Variants in SDK1 observed in about 807,000 individuals in gnomAD.
The protein encoded by SDK1 is protein sidekick-1.
SDK1 carries 157 observed loss-of-function variants against 245.5 expected under a neutral mutation model. That is an observed-to-expected ratio of 0.64 (90% confidence interval 0.56 to 0.73). The LOEUF (loss-of-function observed/expected upper bound fraction) is 0.73, where lower values mean the gene tolerates loss of function less well. Ranked by LOEUF, SDK1 falls within the 30% of genes least tolerant of loss-of-function variation. SDK1 has a pLI of 0.00. For synonymous variants in SDK1, 1,647 were observed against 1,278.5 expected, an observed-to-expected ratio of 1.29 and a Z score of -6.15; for missense variants, 3,583 against 3,002.3, an observed-to-expected ratio of 1.19 and a Z score of -4.52.
chr7:4,208,031 A>G, intron 36 of SDK1, 68 bp from the exon 37 acceptor site: 1 of 1,228,404 alleles, frequency 8.1e-7, no homozygotes. Flanking sequence ...TTGACCTTAC[A>G]CTCAGTGGCC....
At chr7:3,419,931 A>G (rs1031750593) in intron 1 of SDK1, among the ~76,000 whole-genome samples, 1 of 152,192 alleles carries the variant, frequency 6.6e-6, no homozygotes, top group African/African-American at 2.4e-5. Context: ...AAAATACGCA[A>G]AGCCGTTAGA....
intron 9 of SDK1, 141 bp from the exon 10 acceptor site, chr7:3,967,177 C>T: frequency 3.0e-6 from 2 of 663,836 alleles, no homozygotes; most frequent in Non-Finnish European, 5.4e-6. Context: ...GGGCTGCCGT[C>T]CCTCCTGAAC....
chr7:4,149,644 C>T lies in SDK1; in HGVS notation c.4625+181C>T, dbSNP rs573751741. ...CCAGAACTCCTGGGTCCTGGAGCTA[C>T]TTCCAAGGGCCCACCCCCAGCCGCT... On this transcript the variant is annotated intron_variant, in intron 30 of 44. Coordinates refer to ENST00000404826, the MANE Select transcript of SDK1 (RefSeq NM_152744.4). Among the ~76,000 whole-genome samples, 83 of 152,330 alleles carry T rather than the reference C, an allele frequency of 5.4e-4. 1 individual carries two copies. Among genetic ancestry groups the T allele is most frequent in the African/African-American group, 1.9e-3 (80 of 41,582 alleles).
At chr7:3,848,172 C>A (rs1016696573) in intron 5 of SDK1, among the ~76,000 whole-genome samples, 4 of 152,180 alleles carry the variant, frequency 2.6e-5, no homozygotes, top group South Asian at 4.1e-4. Flanking sequence ...TAATATATTA[C>A]AAACTTCATA....
intron 4 of SDK1, among the ~76,000 whole-genome samples, chr7:3,801,081 TA>T (rs377624886): frequency 1.3e-3 from 197 of 152,354 alleles, no homozygotes; most frequent in African/African-American, 4.4e-3. Context: ...AAAGCACAGT[TA>T]AACTAGCCAG....
At chr7:4,250,564 C>G (rs1043655878) in intron 44 of SDK1, among the ~76,000 whole-genome samples, 1 of 152,096 alleles carries the variant, frequency 6.6e-6, no homozygotes, top group African/African-American at 2.4e-5. Flanking sequence ...AGGCTGGTCT[C>G]GAACTCCTGA....
chr7:3,528,715 A>G (rs758358679), intron 1 of SDK1, among the ~76,000 whole-genome samples: 8 of 152,136 alleles, frequency 5.3e-5, no homozygotes, highest in Non-Finnish European at 8.8e-5. Context: ...CGTAATACAC[A>G]GGACTTGATA....
At chr7:4,264,816 G>A (rs1333233146) in intron 44 of SDK1, among the ~76,000 whole-genome samples, 1 of 152,172 alleles carries the variant, frequency 6.6e-6, no homozygotes, top group East Asian at 1.9e-4. Flanking sequence ...TCCTGAGTGG[G>A]GAGGCTGCAT....
At chr7:3,891,996 GT>G in intron 5 of SDK1, among the ~76,000 whole-genome samples, 1 of 152,160 alleles carries the variant, frequency 6.6e-6, no homozygotes, top group East Asian at 1.9e-4. Context: ...TTGAAAACAA[GT>G]TTAGTTAGGC....
intron 44 of SDK1, among the ~76,000 whole-genome samples, chr7:4,260,053 C>T (rs1787882980): frequency 6.6e-6 from 1 of 152,272 alleles, no homozygotes; most frequent in Admixed American, 6.5e-5. Flanking sequence ...CGTTTATCAT[C>T]GTCACCCGAT....
intron 1 of SDK1, among the ~76,000 whole-genome samples, chr7:3,515,339 C>T (rs1782709886): frequency 6.6e-6 from 1 of 152,148 alleles, no homozygotes; most frequent in South Asian, 2.1e-4. Context: ...AGAAGTAAGG[C>T]TGACCAGCAA....
intron 5 of SDK1, among the ~76,000 whole-genome samples, chr7:3,930,874 T>C (rs538735086): frequency 6.6e-5 from 10 of 152,258 alleles, no homozygotes; most frequent in African/African-American, 2.2e-4. Flanking sequence ...AGAAAAGATA[T>C]TTATAAATGC....
At chr7:3,956,354 G>A (rs1210347909) in intron 7 of SDK1, among the ~76,000 whole-genome samples, 5 of 152,194 alleles carry the variant, frequency 3.3e-5, no homozygotes, top group African/African-American at 1.2e-4. Flanking sequence ...CAGACTGTGT[G>A]TAAAACCGTA....
At chr7:3,731,917 G>C (rs563602543) in intron 4 of SDK1, among the ~76,000 whole-genome samples, 3 of 152,008 alleles carry the variant, frequency 2.0e-5, no homozygotes, top group Non-Finnish European at 4.4e-5. Context: ...TCAGCCTCCT[G>C]AGTAGCTGGG....
intron 22 of SDK1, among the ~76,000 whole-genome samples, chr7:4,093,107 G>C (rs1781911150): frequency 6.6e-6 from 1 of 151,828 alleles, no homozygotes; most frequent in South Asian, 2.1e-4. Context: ...GCTCAGATGT[G>C]GGTTGCCAAA....
At chr7:3,593,679 T>A (rs1032824233) in intron 1 of SDK1, among the ~76,000 whole-genome samples, 1 of 152,134 alleles carries the variant, frequency 6.6e-6, no homozygotes, top group Non-Finnish European at 1.5e-5. Context: ...ATGATTCCCC[T>A]CCAATCTCCC....
At chr7:4,042,786 C>G (rs987840425) in intron 17 of SDK1, among the ~76,000 whole-genome samples, 1 of 152,204 alleles carries the variant, frequency 6.6e-6, no homozygotes, top group African/African-American at 2.4e-5. Context: ...ATAATTAAGA[C>G]CTTTCCAGCC....
chr7:4,137,337 A>G (rs1454009360), intron 28 of SDK1, among the ~76,000 whole-genome samples: 4 of 152,186 alleles, frequency 2.6e-5, no homozygotes, highest in African/African-American at 9.7e-5. Flanking sequence ...AGAAGTCTCC[A>G]AATTGCTCTG....
chr7:4,195,472 T>C (rs903876843), intron 35 of SDK1, among the ~76,000 whole-genome samples: 17 of 152,164 alleles, frequency 1.1e-4, no homozygotes, highest in Non-Finnish European at 5.9e-5. Context: ...CAGCTGCCTC[T>C]GGAGCCACAG....
Sources: gnomAD v4.1 joint callset for allele counts (sites outside exome capture counted in the v4.1 genomes callset) on GRCh38, gnomAD v4.1.1 for gene constraint, MANE v1.5 for transcripts, NCBI Gene and HGNC (gene_info 2026-07-23, HGNC 2026-07-21) for gene names.